The following HMCN1 variants were observed in gnomAD, a reference collection of about 807,000 sequenced individuals.
HMCN1 encodes the protein hemicentin 1, also known as hemicentin-1.
Under a neutral mutation model 625.9 loss-of-function variants are expected in HMCN1, and 321 were observed. The observed-to-expected ratio is 0.51, with a 90% CI of 0.47 to 0.56. The LOEUF is 0.56. HMCN1 is among the 20% of genes least tolerant of loss of function. The pLI is 0.00. For synonymous variants in HMCN1, 2,425 were observed against 2,417.6 expected, an observed-to-expected ratio of 1.00 and a Z score of -0.09; for missense variants, 6,588 against 6,887.3, an observed-to-expected ratio of 0.96 and a Z score of 1.54.
At position 186,165,096 on chromosome 1, in the gene HMCN1, T is replaced by C; in HGVS notation, c.15257-15T>C. The C allele has an allele frequency of 1.9e-6, 3 of 1,613,478 alleles. No individual in the cohort carries two copies. Among genetic ancestry groups the C allele is most frequent in the Non-Finnish European group, 2.5e-6 (3 of 1,179,540 alleles). Reference sequence around the variant, plus strand: ...TCCAATAAGCCAGTTAACTTTGCTTTCCTCTCTGTGGTAGGAGATCGCAGT... The same window carrying C: ...TCCAATAAGCCAGTTAACTTTGCTTCCCTCTCTGTGGTAGGAGATCGCAGT... On this transcript the variant is annotated splice_polypyrimidine_tract_variant and intron_variant, in intron 97 of 106. Coordinates refer to ENST00000271588, the MANE Select transcript of HMCN1 (RefSeq NM_031935.3).
chr1:185,773,220 T>C (rs1425952292), intron 1 of HMCN1, among the ~76,000 whole-genome samples: 1 of 152,154 alleles, frequency 6.6e-6, no homozygotes, highest in Middle Eastern at 3.2e-3. Context: ...TACTGGCATG[T>C]AGGATGTAGA....
chr1:186,166,194 A>C lies in HMCN1; in HGVS notation c.15330A>C (p.Glu5110Asp). 6.2e-7 allele frequency: 1 copy of C among 1,614,074 alleles called. No homozygotes were observed. Among genetic ancestry groups the C allele is most frequent in the Non-Finnish European group, 8.5e-7 (1 of 1,180,000 alleles). The change falls in exon 99 of 107, where the codon GAA becomes GAC. Residue 5110 changes from glutamate to aspartate, a missense_variant. Physicochemically the swap from Glu to Asp is conservative, Grantham distance 45. This residue lies in a region of HMCN1 where 1,954 missense variants were observed against 2,013.1 expected (regional missense o/e 0.97). Coordinates refer to ENST00000271588, the MANE Select transcript of HMCN1 (RefSeq NM_031935.3). ...TGTTTCTTCTTTAAGATGAGGATGA[A>C]TGTGCAGCAGGGAATCCCTGCTCCC... ...SVGPFCADED[E>D]CAAGNPCSHS...
At chr1:186,123,446 A>G (rs1661495554) in intron 81 of HMCN1, among the ~76,000 whole-genome samples, 1 of 152,026 alleles carries the variant, frequency 6.6e-6, no homozygotes, top group South Asian at 2.1e-4. Flanking sequence ...TTTTATTAAT[A>G]TTGCCAGGAT....
chr1:185,993,829 A>G (rs1283577607), intron 23 of HMCN1, among the ~76,000 whole-genome samples: 2 of 152,070 alleles, frequency 1.3e-5, no homozygotes, highest in South Asian at 4.1e-4. Context: ...TGCATACTCT[A>G]CACCAGGCAT....
rs979463164 is a variant in HMCN1 at position 185,776,803 on chromosome 1, T to C, written c.268+41756T>C. On this transcript the variant is annotated intron_variant, in intron 1 of 106. Transcript: ENST00000271588. ...ATAAGTGGTTGCCTGTTTCAGATGT[T>C]TGTGTTTCTATGATCTCCTTCCTGT... Among the ~76,000 whole-genome samples the C allele has an allele frequency of 2.6e-5, 4 of 152,356 alleles. No homozygotes were observed. In the East Asian group the frequency reaches 7.7e-4, roughly 29 times the overall value.
intron 97 of HMCN1, among the ~76,000 whole-genome samples, chr1:186,154,543 A>G (rs934282101): frequency 6.6e-6 from 1 of 152,170 alleles, no homozygotes; most frequent in South Asian, 2.1e-4. Context: ...AAAAACATAC[A>G]ATGTGTCCAA....
chr1:186,086,806 T>A lies in HMCN1; in HGVS notation c.9046+399T>A, dbSNP rs935472662. Among the ~76,000 whole-genome samples the A allele has an allele frequency of 5.7e-4, 14 of 24,572 alleles. No homozygotes were observed. The African/African-American group carries it at 8.5e-3, about 15-fold the overall frequency. 16.1% of individuals were successfully genotyped at this position (24,572 alleles called of 152,430 possible). On this transcript the variant is annotated intron_variant, in intron 58 of 106. Transcript: ENST00000271588. ...GATAGATAGATAGATGATAGATAGA[T>A]AGATAGATGATAGATAGATAGATAG...
chr1:186,118,633 A>G (rs1661246913), intron 77 of HMCN1, among the ~76,000 whole-genome samples: 1 of 152,226 alleles, frequency 6.6e-6, no homozygotes, highest in Non-Finnish European at 1.5e-5. Flanking sequence ...GGATAAATAA[A>G]ATGTGGTATA....
intron 1 of HMCN1, among the ~76,000 whole-genome samples, chr1:185,821,862 C>G (rs1488305696): frequency 2.0e-5 from 3 of 147,116 alleles, no homozygotes; most frequent in Non-Finnish European, 4.5e-5. Context: ...GGAAATAAAG[C>G]TATTACCTGT....
At chr1:185,911,099 G>T (rs918201057) in intron 5 of HMCN1, among the ~76,000 whole-genome samples, 1 of 152,090 alleles carries the variant, frequency 6.6e-6, no homozygotes, top group African/African-American at 2.4e-5. Context: ...GTGCTTCATG[G>T]GAAACCGGTT....
chr1:186,138,193 G>T (rs557828197), intron 89 of HMCN1, among the ~76,000 whole-genome samples: 28 of 152,122 alleles, frequency 1.8e-4, no homozygotes, highest in Non-Finnish European at 3.7e-4. Flanking sequence ...AATTGAACTT[G>T]AAGAAAGGGT....
intron 81 of HMCN1, among the ~76,000 whole-genome samples, chr1:186,123,565 G>T (rs935324965): frequency 1.3e-5 from 2 of 151,996 alleles, no homozygotes; most frequent in African/African-American, 4.8e-5. Context: ...AAGTCATCTT[G>T]GTTCAAATGA....
intron 84 of HMCN1, 64 bp downstream of exon 84, chr1:186,130,164 T>G: frequency 6.2e-7 from 1 of 1,602,554 alleles, no homozygotes; most frequent in Non-Finnish European, 8.5e-7. Context: ...AAGTTTTGCT[T>G]CTTTATTTTA....
chr1:186,112,705 A>T, intron 71 of HMCN1, 107 bp from the exon 72 acceptor site: 1 of 1,332,468 alleles, frequency 7.5e-7, no homozygotes, highest in Non-Finnish European at 1.1e-6. Flanking sequence ...GCATGCTGAC[A>T]GACAGCAGGT....
At position 186,087,312 on chromosome 1, in the gene HMCN1, T is replaced by C. The variant is rs749230562; in HGVS notation, c.9142T>C (p.Phe3048Leu). ...TCAAGCTGGCGAAAGCAAGAAAAAG[T>C]TTTCCCTGACTGTTTATGGTTCGTT... Reference protein sequence around the residue: ...INQAGESKKKFSLTVYVPPSI... With the variant: ...INQAGESKKKLSLTVYVPPSI... The change falls in exon 59 of 107, where the codon TTT (phenylalanine) becomes CTT (leucine). Residue 3048 changes from phenylalanine (F) to leucine (L), a missense_variant. This residue lies in a region of HMCN1 where 4,628 missense variants were observed against 4,853.1 expected (regional missense o/e 0.95). Transcript: ENST00000271588. The C allele has an allele frequency of 3.1e-6, 5 of 1,612,676 alleles. No individual in the cohort carries two copies. Among genetic ancestry groups the C allele is most frequent in the Non-Finnish European group, 3.4e-6 (4 of 1,179,058 alleles).
intron 97 of HMCN1, among the ~76,000 whole-genome samples, chr1:186,157,747 A>G (rs537803496): frequency 5.9e-5 from 9 of 152,198 alleles, no homozygotes. Flanking sequence ...AATTTCAACC[A>G]TGTCCCTACA....
chr1:186,162,797 G>A (rs1347076082), intron 97 of HMCN1, among the ~76,000 whole-genome samples: 1 of 152,148 alleles, frequency 6.6e-6, no homozygotes, highest in Non-Finnish European at 1.5e-5. Context: ...GGAGTACCCG[G>A]CCCTGTGAGG....
chr1:186,053,621 C>A (rs938550882), intron 43 of HMCN1, among the ~76,000 whole-genome samples: 1 of 151,978 alleles, frequency 6.6e-6, no homozygotes, highest in Admixed American at 6.6e-5. Flanking sequence ...CTCCTTAAGC[C>A]CACTAAGTGG....
At chr1:185,960,843 A>AT (rs976795045) in intron 11 of HMCN1, among the ~76,000 whole-genome samples, 3 of 152,114 alleles carry the variant, frequency 2.0e-5, no homozygotes, top group East Asian at 3.9e-4. Flanking sequence ...AGAACTGTTC[A>AT]TTTTTTTTCC....
Sources: gnomAD v4.1 joint callset for allele counts (sites outside exome capture counted in the v4.1 genomes callset) on GRCh38, gnomAD v4.1.1 for gene constraint, gnomAD v4.1.1 regional missense constraint, MANE v1.5 for transcripts, NCBI Gene and HGNC (gene_info 2026-07-23, HGNC 2026-07-21) for gene names.